Variants in GPC5 observed in about 807,000 individuals in gnomAD.
GPC5 encodes the protein glypican 5, also known as glypican-5.
A neutral mutation model predicts 53.9 loss-of-function variants in GPC5; 47 were observed. The ratio of observed to expected loss-of-function variants is 0.87; its 90% CI spans 0.69 to 1.11. The LOEUF is 1.11. Among genes scored for constraint, GPC5 ranks in the 50% most tolerant of loss-of-function variants. The probability of loss-of-function intolerance (pLI) is 0.00; values close to 1 mark genes in which losing one functional copy is unlikely to be tolerated. For missense variants in GPC5, 748 were observed against 713.1 expected, an observed-to-expected ratio of 1.05 and a Z score of -0.56; for synonymous variants, 286 against 263.3, an observed-to-expected ratio of 1.09 and a Z score of -0.84.
At chr13:92,331,788 A>G (rs1445349223) in intron 7 of GPC5, among the ~76,000 whole-genome samples, 1 of 152,090 alleles carries the variant, frequency 6.6e-6, no homozygotes, top group Non-Finnish European at 1.5e-5. Flanking sequence ...GCCTGATTTA[A>G]GCCACGGTTG....
chr13:92,429,919 G>A (rs188536711), intron 7 of GPC5, among the ~76,000 whole-genome samples: 5 of 152,082 alleles, frequency 3.3e-5, no homozygotes, highest in African/African-American at 1.2e-4. Flanking sequence ...ACAACATGGT[G>A]ACTATTTAAT....
At chr13:92,219,019 A>G (rs1259423336) in intron 7 of GPC5, among the ~76,000 whole-genome samples, 1 of 152,190 alleles carries the variant, frequency 6.6e-6, no homozygotes, top group Admixed American at 6.6e-5. Context: ...ATAATCTTCT[A>G]CTTTCCATGA....
chr13:91,666,258 A>G (rs2035109702), intron 2 of GPC5, among the ~76,000 whole-genome samples: 1 of 152,260 alleles, frequency 6.6e-6, no homozygotes. Flanking sequence ...AATAATGGTT[A>G]ACAGTATGAG....
chr13:92,665,774 G>C (rs72641039), intron 7 of GPC5, among the ~76,000 whole-genome samples: 7,692 of 152,174 alleles, frequency 0.051, 262 homozygotes, highest in African/African-American at 0.097. Flanking sequence ...TCAAAGCTTA[G>C]TCAGGAGGCT....
chr13:92,153,203 G>C (rs2041919771), intron 7 of GPC5, among the ~76,000 whole-genome samples: 1 of 152,104 alleles, frequency 6.6e-6, no homozygotes, highest in Non-Finnish European at 1.5e-5. Flanking sequence ...CGCAATCTCA[G>C]CTCACTGCAA....
intron 7 of GPC5, among the ~76,000 whole-genome samples, chr13:92,716,076 G>A (rs1356495616): frequency 6.6e-6 from 1 of 152,024 alleles, no homozygotes; most frequent in Non-Finnish European, 1.5e-5. Flanking sequence ...CTCAGGATTG[G>A]AGACTTTGTC....
chr13:91,513,632 T>C (rs2139340755), intron 2 of GPC5, among the ~76,000 whole-genome samples: 1 of 152,166 alleles, frequency 6.6e-6, no homozygotes, highest in Non-Finnish European at 1.5e-5. Flanking sequence ...TCCCAGCTGC[T>C]CTGGAGGCTG....
At chr13:92,207,206 A>G (rs529911181) in intron 7 of GPC5, among the ~76,000 whole-genome samples, 17 of 152,276 alleles carry the variant, frequency 1.1e-4, no homozygotes, top group African/African-American at 3.1e-4. Context: ...TCCCATTCAT[A>G]TAGGTAGAGC....
chr13:91,999,264 T>G (rs1430280485), intron 6 of GPC5, among the ~76,000 whole-genome samples: 3 of 152,118 alleles, frequency 2.0e-5, no homozygotes, highest in African/African-American at 7.2e-5. Context: ...TGCAGGAAAT[T>G]ATCATTTAAT....
intron 5 of GPC5, among the ~76,000 whole-genome samples, chr13:91,888,385 A>C (rs2039349018): frequency 6.6e-6 from 1 of 152,198 alleles, no homozygotes; most frequent in Non-Finnish European, 1.5e-5. Flanking sequence ...CCATGTCATT[A>C]ATATCTAACA....
chr13:92,489,909 A>G (rs993511041), intron 7 of GPC5, among the ~76,000 whole-genome samples: 28 of 152,138 alleles, frequency 1.8e-4, no homozygotes, highest in African/African-American at 6.3e-4. Flanking sequence ...AAAGGATAAA[A>G]TATAGGGCAA....
chr13:92,352,411 CATA>C (rs2043486433), intron 7 of GPC5, among the ~76,000 whole-genome samples: 1 of 151,946 alleles, frequency 6.6e-6, no homozygotes, highest in Non-Finnish European at 1.5e-5. Context: ...AAAATGTTAT[CATA>C]AACTAAGCAA....
chr13:91,962,728 G>C (rs1435780809), intron 6 of GPC5, among the ~76,000 whole-genome samples: 1 of 152,050 alleles, frequency 6.6e-6, no homozygotes, highest in Non-Finnish European at 1.5e-5. Flanking sequence ...GTGGAGTTTT[G>C]CATCACAGTG....
At chr13:92,428,925 T>G (rs1354844676) in intron 7 of GPC5, among the ~76,000 whole-genome samples, 3 of 152,104 alleles carry the variant, frequency 2.0e-5, no homozygotes, top group Admixed American at 2.0e-4. Flanking sequence ...ATGTAAAAGC[T>G]TACTATATAA....
chr13:92,784,137 A>C (rs1369490468), intron 7 of GPC5, among the ~76,000 whole-genome samples: 1 of 152,176 alleles, frequency 6.6e-6, no homozygotes, highest in Non-Finnish European at 1.5e-5. Flanking sequence ...AATTATTGAC[A>C]ATTTGGTTTC....
At chr13:92,788,821 A>G (rs1876354809) in intron 7 of GPC5, among the ~76,000 whole-genome samples, 1 of 152,174 alleles carries the variant, frequency 6.6e-6, no homozygotes, top group Non-Finnish European at 1.5e-5. Context: ...TGAAAGGAAA[A>G]TGGGAAGCAT....
intron 7 of GPC5, among the ~76,000 whole-genome samples, chr13:92,524,315 T>G (rs1028022002): frequency 2.0e-4 from 30 of 152,096 alleles, no homozygotes; most frequent in African/African-American, 7.0e-4. Flanking sequence ...AGAAACCACT[T>G]TCTTTGTTCA....
rs143751136 is a variant in GPC5, at chr13:91,415,856, T to C, written c.163+16647T>C. Among the ~76,000 whole-genome samples the C allele has an allele frequency of 6.5e-3, 989 of 152,280 alleles. 10 individuals are homozygous for C. Among genetic ancestry groups the C allele is most frequent in the African/African-American group, 0.023 (945 of 41,550 alleles). ...TTCATGTCTCTCCAAGAAGGTGATA[T>C]CATTTCTTCCTGTGTGCTCCCACAA... On this transcript the variant is annotated intron_variant, in intron 1 of 7. Coordinates refer to ENST00000377067, the MANE Select transcript of GPC5 (RefSeq NM_004466.6).
At chr13:92,862,027 T>C (rs1018276235) in intron 7 of GPC5, among the ~76,000 whole-genome samples, 3 of 152,214 alleles carry the variant, frequency 2.0e-5, no homozygotes, top group Admixed American at 6.6e-5. Context: ...AGCTAGACTG[T>C]GGCAAAGCCA....
Sources: allele counts gnomAD v4.1 joint callset (sites outside exome capture counted in the v4.1 genomes callset), GRCh38; gene constraint gnomAD v4.1.1; transcripts MANE v1.5; gene names NCBI Gene and HGNC (gene_info 2026-07-23, HGNC 2026-07-21).